Variants in IQGAP2 observed in about 807,000 individuals in gnomAD.
The protein encoded by IQGAP2 is IQ motif containing GTPase activating protein 2.
A neutral mutation model predicts 201.3 loss-of-function variants in IQGAP2; 173 were observed. The observed-to-expected ratio is 0.86, with a 90% CI of 0.76 to 0.98. The LOEUF (loss-of-function observed/expected upper bound fraction) is 0.98, where lower values mean the gene tolerates loss of function less well. IQGAP2 is among the 50% of genes least tolerant of loss of function. The pLI is 0.00. For synonymous variants in IQGAP2, 675 were observed against 673.9 expected (o/e 1.00, Z -0.03); for missense variants, 1,687 against 1,864.8 (o/e 0.90, Z 1.76).
chr5:76,620,711 A>T (rs1021160716), intron 13 of IQGAP2, among the ~76,000 whole-genome samples: 6 of 152,100 alleles, frequency 3.9e-5, no homozygotes, highest in Admixed American at 6.5e-5. Flanking sequence ...GAGAAGAAAG[A>T]ATCCAAAGGT....
intron 1 of IQGAP2, among the ~76,000 whole-genome samples, chr5:76,424,348 C>A (rs1347717958): frequency 6.6e-6 from 1 of 152,022 alleles, no homozygotes; most frequent in African/African-American, 2.4e-5. Flanking sequence ...TTGCTCATTG[C>A]CCAGGCTGGA....
At chr5:76,455,093 T>C (rs915057151) in intron 1 of IQGAP2, among the ~76,000 whole-genome samples, 1 of 152,150 alleles carries the variant, frequency 6.6e-6, no homozygotes. Flanking sequence ...TGTGTGAAAT[T>C]TATAAATAAT....
chr5:76,631,742 C>T, intron 14 of IQGAP2, 117 bp from the exon 15 acceptor site: 1 of 696,390 alleles, frequency 1.4e-6, no homozygotes, highest in East Asian at 3.0e-5. Flanking sequence ...TAAATATTCT[C>T]AAAGGGTAAA....
At position 76,707,362 on chromosome 5, in the gene IQGAP2, G is replaced by C. The variant is rs1488861436; in HGVS notation, c.*49G>C. Reference sequence around the variant, plus strand: ...TTCTGTATCATCTGGATTAGGAAATGAATTTGTTTAATATTTTTGTTTTTA... The same window carrying C: ...TTCTGTATCATCTGGATTAGGAAATCAATTTGTTTAATATTTTTGTTTTTA... On this transcript the variant is annotated 3_prime_UTR_variant, in exon 36 of 36. Transcript: ENST00000274364. The C allele has an allele frequency of 1.2e-6, 1 of 843,442 alleles. No individual in the cohort carries two copies. The highest frequency in any genetic ancestry group is 2.4e-5 in the East Asian group (1 of 40,860). The allele number at this position is 843,442 out of a possible 1,614,324, so 52.2% of individuals were successfully genotyped here.
chr5:76,564,502 A>C (rs1744602394), intron 3 of IQGAP2, among the ~76,000 whole-genome samples: 2 of 152,186 alleles, frequency 1.3e-5, no homozygotes, highest in African/African-American at 4.8e-5. Flanking sequence ...TATGTGTGCT[A>C]GTTCTTTTCT....
intron 17 of IQGAP2, among the ~76,000 whole-genome samples, chr5:76,648,032 A>G (rs1188764898): frequency 6.6e-6 from 1 of 152,054 alleles, no homozygotes; most frequent in Non-Finnish European, 1.5e-5. Flanking sequence ...GAGCCAAGGC[A>G]GAGAGGCAGG....
At chr5:76,425,566 T>G (rs1211304793) in intron 1 of IQGAP2, among the ~76,000 whole-genome samples, 1 of 152,138 alleles carries the variant, frequency 6.6e-6, no homozygotes, top group Non-Finnish European at 1.5e-5. Context: ...TAACAGTTGT[T>G]TTAGATAGAA....
chr5:76,515,074 G>GAGCCT, intron 2 of IQGAP2, among the ~76,000 whole-genome samples: 1 of 152,160 alleles, frequency 6.6e-6, no homozygotes, highest in South Asian at 2.1e-4. Context: ...GCCCTACTTT[G>GAGCCT]ACTGCTCTAC....
At chr5:76,460,786 A>G (rs1436490079) in intron 1 of IQGAP2, among the ~76,000 whole-genome samples, 1 of 151,818 alleles carries the variant, frequency 6.6e-6, no homozygotes, top group East Asian at 1.9e-4. Flanking sequence ...CACAATGGAA[A>G]ATTGGGAGTG....
chr5:76,624,902 C>A (rs900412762), intron 13 of IQGAP2, among the ~76,000 whole-genome samples: 1 of 152,058 alleles, frequency 6.6e-6, no homozygotes, highest in Non-Finnish European at 1.5e-5. Context: ...GGTGAAACCC[C>A]ATCTCTACTA....
At chr5:76,625,970 A>G (rs190337020) in intron 13 of IQGAP2, among the ~76,000 whole-genome samples, 7 of 152,364 alleles carry the variant, frequency 4.6e-5, no homozygotes, top group South Asian at 4.1e-4. Flanking sequence ...ATAAAACACA[A>G]TTGCTACCTG....
intron 2 of IQGAP2, among the ~76,000 whole-genome samples, chr5:76,512,709 T>A (rs1758048891): frequency 6.6e-6 from 1 of 152,248 alleles, no homozygotes; most frequent in Admixed American, 6.5e-5. Flanking sequence ...GTATTTCCAA[T>A]GACTGCAATG....
chr5:76,611,055 G>A lies in IQGAP2; in HGVS notation c.1393G>A (p.Asp465Asn), dbSNP rs774431996. 6.8e-6 allele frequency: 11 copies of A among 1,613,672 alleles called. No individual in the cohort carries two copies. In the South Asian group the frequency reaches 1.2e-4, roughly 18 times the overall value. The change falls in exon 13 of 36, where the codon GAT (aspartate) becomes AAT (asparagine). Residue 465 changes from aspartate (D) to asparagine (N), a missense_variant. Physicochemically the swap from Asp to Asn is conservative, Grantham distance 23. Transcript: ENST00000274364. ...VAVGYINEAIDEGNPLRTLET... is the reference protein window; with the variant it reads ...VAVGYINEAINEGNPLRTLET... ...TGTAGGGTACATCAATGAAGCTATT[G>A]ATGAAGGGAATCCTTTGAGGACTTT...
intron 31 of IQGAP2, 39 bp from the exon 32 acceptor site, chr5:76,695,415 G>A (rs1358466113): frequency 3.9e-6 from 6 of 1,540,886 alleles, no homozygotes; most frequent in Admixed American, 1.7e-5. Context: ...GAAATTAGGG[G>A]ATCAGAGAAA....
chr5:76,693,724 C>A, intron 31 of IQGAP2: 2 of 233,200 alleles, frequency 8.6e-6, no homozygotes, highest in East Asian at 8.9e-5. Context: ...AAATGTTCAT[C>A]ATAATGGGCA....
Position 76,556,745 on chromosome 5 carries a change from T to C in IQGAP2, c.147-5651T>C, listed in dbSNP as rs185043054. Among the ~76,000 whole-genome samples the C allele has an allele frequency of 1.6e-4, 25 of 152,328 alleles. No homozygotes were observed. The East Asian group carries it at 4.1e-3, about 25-fold the overall frequency. On this transcript the variant is annotated intron_variant, in intron 2 of 35. Coordinates refer to ENST00000274364, the MANE Select transcript of IQGAP2 (RefSeq NM_006633.5). ...GAGTCTGTCACCTGTCCTAGAAGAA[T>C]AGTCTTGTTTGTTGCTCCTAGACTG... is the stretch of plus-strand genomic sequence containing the variant.
At chr5:76,624,916 A>G (rs1030563815) in intron 13 of IQGAP2, among the ~76,000 whole-genome samples, 2 of 152,182 alleles carry the variant, frequency 1.3e-5, no homozygotes, top group African/African-American at 4.8e-5. Flanking sequence ...TCTACTAAAA[A>G]TGCAAAAATT....
chr5:76,566,503 AGAGAT>A (rs1744759850), intron 3 of IQGAP2, among the ~76,000 whole-genome samples: 1 of 152,184 alleles, frequency 6.6e-6, no homozygotes, highest in Non-Finnish European at 1.5e-5. Flanking sequence ...CAGGAAGAGC[AGAGAT>A]GAGATTGCAC....
Position 76,668,693 on chromosome 5 carries a change from T to C in IQGAP2, c.2692T>C (p.Tyr898His). The change falls in exon 23 of 36, where the codon TAC becomes CAC. Residue 898 changes from tyrosine to histidine, a missense_variant. Coordinates refer to ENST00000274364, the MANE Select transcript of IQGAP2 (RefSeq NM_006633.5). Reference protein sequence around the residue: ...LFYLLQTNPLYLAKLIFQMPQ... With the variant: ...LFYLLQTNPLHLAKLIFQMPQ... ...TCTTTCCTTCTAGACCAACCCTTTA[T>C]ACTTGGCTAAGCTGATTTTCCAGAT... 6.2e-7 allele frequency: 1 copy of C among 1,610,642 alleles called. No individual in the cohort carries two copies. Among genetic ancestry groups the C allele is most frequent in the Non-Finnish European group, 8.5e-7 (1 of 1,178,912 alleles).
Sources: gnomAD v4.1 joint callset for allele counts (sites outside exome capture counted in the v4.1 genomes callset) on GRCh38, gnomAD v4.1.1 for gene constraint, MANE v1.5 for transcripts, NCBI Gene and HGNC (gene_info 2026-07-23, HGNC 2026-07-21) for gene names.